Variants in SAMD12 observed in about 807,000 individuals in gnomAD.
SAMD12 encodes the protein sterile alpha motif domain containing 12, also known as sterile alpha motif domain-containing protein 12.
SAMD12 carries 9 observed loss-of-function variants against 15.0 expected under a neutral mutation model. The ratio of observed to expected loss-of-function variants is 0.60; its 90% CI spans 0.36 to 1.05. The LOEUF is 1.05. Among genes scored for constraint, SAMD12 ranks in the 50% least tolerant of loss-of-function variants. The pLI is 0.01. For synonymous variants in SAMD12, 86 were observed against 90.1 expected, an observed-to-expected ratio of 0.96 and a Z score of 0.25; for missense variants, 230 against 234.2, an observed-to-expected ratio of 0.98 and a Z score of 0.12.
chr8:118,162,675 G>T, the SAMD12 span, among the ~76,000 whole-genome samples: 3 of 152,158 alleles, frequency 2.0e-5, no homozygotes, highest in Non-Finnish European at 4.4e-5. Flanking sequence ...TTACTGAATT[G>T]CTGTAAACAG....
At chr8:118,299,285 C>T (rs1814891662) in intron 4 of SAMD12, among the ~76,000 whole-genome samples, 2 of 151,996 alleles carry the variant, frequency 1.3e-5, no homozygotes, top group Admixed American at 6.6e-5. Flanking sequence ...GTGGAGGCAG[C>T]GAAGAGGAGC....
intron 4 of SAMD12, among the ~76,000 whole-genome samples, chr8:118,244,116 A>G (rs1391101028): frequency 2.0e-5 from 3 of 152,078 alleles, no homozygotes; most frequent in Admixed American, 6.6e-5. Context: ...TGACCACATC[A>G]TGACTTTTTG....
chr8:118,215,577 T>C (rs1184310463), intron 4 of SAMD12, among the ~76,000 whole-genome samples: 4 of 152,146 alleles, frequency 2.6e-5, no homozygotes, highest in Non-Finnish European at 1.5e-5. Flanking sequence ...ACTCGTCATC[T>C]AGCATTATGT....
At chr8:118,600,415 AC>A (rs1162641228) in intron 1 of SAMD12, among the ~76,000 whole-genome samples, 1 of 152,172 alleles carries the variant, frequency 6.6e-6, no homozygotes, top group Non-Finnish European at 1.5e-5. Flanking sequence ...GGGTTGGCAA[AC>A]TTTTTCTATA....
intron 4 of SAMD12, among the ~76,000 whole-genome samples, chr8:118,318,706 C>CT (rs1375906012): frequency 6.6e-6 from 1 of 151,988 alleles, no homozygotes; most frequent in Non-Finnish European, 1.5e-5. Flanking sequence ...ATTCCCAAAG[C>CT]TATTGAAATA....
intron 3 of SAMD12, among the ~76,000 whole-genome samples, chr8:118,421,434 T>C (rs148070229): frequency 6.6e-6 from 1 of 152,206 alleles, no homozygotes; most frequent in Non-Finnish European, 1.5e-5. Flanking sequence ...CTTGTTTAAG[T>C]TGTAATTGCT....
intron 3 of SAMD12, among the ~76,000 whole-genome samples, chr8:118,430,698 T>A (rs1822375958): frequency 6.6e-6 from 1 of 152,092 alleles, no homozygotes; most frequent in Non-Finnish European, 1.5e-5. Flanking sequence ...TGTTCTGAAG[T>A]CTGCATTGTC....
intron 3 of SAMD12, among the ~76,000 whole-genome samples, chr8:118,418,113 C>T (rs901214012): frequency 3.3e-5 from 5 of 152,114 alleles, no homozygotes; most frequent in Non-Finnish European, 7.4e-5. Context: ...TGGAATAGGA[C>T]GATTTTTGTA....
chr8:118,397,034 C>T (rs7839584), intron 3 of SAMD12, among the ~76,000 whole-genome samples: 65,276 of 151,974 alleles, frequency 0.43, 14,303 homozygotes, highest in Non-Finnish European at 0.48. Flanking sequence ...TGAGCAAGGA[C>T]GAGGAAAAAG....
At chr8:118,450,339 G>A (rs1428118992) in intron 2 of SAMD12, among the ~76,000 whole-genome samples, 1 of 152,162 alleles carries the variant, frequency 6.6e-6, no homozygotes, top group Admixed American at 6.5e-5. Context: ...TATCAGCCCA[G>A]AATGCACAGC....
At chr8:118,157,276 T>C in the SAMD12 span, among the ~76,000 whole-genome samples, 7 of 152,300 alleles carry the variant, frequency 4.6e-5, no homozygotes, top group East Asian at 1.4e-3. Flanking sequence ...CCACCAGTTA[T>C]AAATTGAATG....
intron 2 of SAMD12, among the ~76,000 whole-genome samples, chr8:118,547,983 T>C (rs997642680): frequency 6.6e-6 from 1 of 152,150 alleles, no homozygotes; most frequent in African/African-American, 2.4e-5. Context: ...TAATAAAATA[T>C]TCAAGCTGAA....
At chr8:118,371,074 A>T (rs1819075069) in intron 4 of SAMD12, among the ~76,000 whole-genome samples, 1 of 152,194 alleles carries the variant, frequency 6.6e-6, no homozygotes. Flanking sequence ...TTATTATACA[A>T]TATTCATAAC....
intron 4 of SAMD12, among the ~76,000 whole-genome samples, chr8:118,234,931 ACT>A (rs1361710868): frequency 6.6e-6 from 1 of 152,080 alleles, no homozygotes; most frequent in Non-Finnish European, 1.5e-5. Flanking sequence ...ATTTTTATCC[ACT>A]TTTTCTTACA....
intron 2 of SAMD12, among the ~76,000 whole-genome samples, chr8:118,535,719 G>A (rs1245134334): frequency 1.3e-5 from 2 of 152,252 alleles, no homozygotes; most frequent in African/African-American, 4.8e-5. Context: ...CAGTGAGCAA[G>A]GCTCCATGAG....
chr8:118,341,174 T>C (rs1437248648), intron 4 of SAMD12, among the ~76,000 whole-genome samples: 1 of 152,198 alleles, frequency 6.6e-6, no homozygotes, highest in Non-Finnish European at 1.5e-5. Context: ...GGCCTCTTCA[T>C]GTGGCTTGGT....
chr8:118,549,516 C>G (rs1345052357), intron 2 of SAMD12, among the ~76,000 whole-genome samples: 1 of 152,132 alleles, frequency 6.6e-6, no homozygotes, highest in African/African-American at 2.4e-5. Context: ...ACATCCACAC[C>G]AAAAACCCAT....
intron 4 of SAMD12, among the ~76,000 whole-genome samples, chr8:118,224,342 G>T (rs549138089): frequency 6.6e-6 from 1 of 152,250 alleles, no homozygotes; most frequent in African/African-American, 2.4e-5. Flanking sequence ...CACTTGGCAT[G>T]CAAATGTTAC....
chr8:118,402,519 C>G (rs1239760409), intron 3 of SAMD12, among the ~76,000 whole-genome samples: 1 of 152,216 alleles, frequency 6.6e-6, no homozygotes, highest in African/African-American at 2.4e-5. Context: ...GGGGACTGCT[C>G]TAGCCAGAAA....
Sources: allele counts gnomAD v4.1 joint callset (sites outside exome capture counted in the v4.1 genomes callset), GRCh38; gene constraint gnomAD v4.1.1; transcripts MANE v1.5; gene names NCBI Gene and HGNC (gene_info 2026-07-23, HGNC 2026-07-21).